The following CDKL5 variants were observed in gnomAD, a reference collection of about 807,000 sequenced individuals.
CDKL5 encodes the protein cyclin-dependent kinase-like 5.
In CDKL5, 8 loss-of-function variants were observed where a neutral mutation model predicts 61.7. That is an observed-to-expected ratio of 0.13 (90% CI 0.08 to 0.23). The LOEUF (loss-of-function observed/expected upper bound fraction) is 0.23, where lower values mean the gene tolerates loss of function less well. CDKL5 is among the 10% of genes least tolerant of loss of function. The pLI, the probability that CDKL5 is intolerant of heterozygous loss-of-function variation, is 1.00. For missense variants in CDKL5, 440 were observed against 734.5 expected, an observed-to-expected ratio of 0.60 and a Z score of 4.63; for synonymous variants, 275 against 272.3, an observed-to-expected ratio of 1.01 and a Z score of -0.10.
intron 3 of CDKL5, among the ~76,000 whole-genome samples, chrX:18,517,737 A>G (rs911015060): frequency 1.8e-5 from 2 of 111,791 alleles, no homozygotes; most frequent in African/African-American, 6.5e-5. Flanking sequence ...AACTTCTTCA[A>G]AGTAGTGCAT....
chrX:18,605,413 A>G (rs951984825), intron 12 of CDKL5, among the ~76,000 whole-genome samples: 1 of 112,139 alleles, frequency 8.9e-6, no homozygotes, highest in East Asian at 2.8e-4. Context: ...AAATCTTAAA[A>G]CAGCATTTTT....
chrX:18,456,333 C>T (rs1932141927), intron 1 of CDKL5, among the ~76,000 whole-genome samples: 1 of 111,423 alleles, frequency 9.0e-6, no homozygotes, highest in African/African-American at 3.3e-5. Flanking sequence ...CCACCGCGCC[C>T]GCCCGTCACA....
Position 18,471,762 on chromosome X carries a change from C to T in CDKL5, c.-162-35173C>T, listed in dbSNP as rs143691176. Among the ~76,000 whole-genome samples the T allele has an allele frequency of 7.2e-3, 793 of 110,622 alleles. 6 individuals carry two copies. The highest frequency in any genetic ancestry group is 0.024 in the African/African-American group (727 of 30,368). ...TTTATTTTTTATTGTTTTTTTGAGG[C>T]GGAGTCTCACTCTGCCACCCAGGCT... is the stretch of plus-strand genomic sequence containing the variant. On this transcript the variant is annotated intron_variant, in intron 1 of 17. Transcript: ENST00000623535.
At chrX:18,582,515 A>G (rs1046696852) in intron 7 of CDKL5, among the ~76,000 whole-genome samples, 1 of 111,727 alleles carries the variant, frequency 9.0e-6, no homozygotes, top group Middle Eastern at 4.7e-3. Context: ...ATTAAGCTCT[A>G]TTAAACATTT....
At chrX:18,474,226 C>T (rs1921218248) in intron 1 of CDKL5, among the ~76,000 whole-genome samples, 1 of 111,234 alleles carries the variant, frequency 9.0e-6, no homozygotes, top group African/African-American at 3.3e-5. Context: ...TTTTTGTTAC[C>T]TTGATAGCAT....
Position 18,632,975 on chromosome X carries a change from G to A in CDKL5, c.*4218G>A, listed in dbSNP as rs1335384805. 1.3e-6 allele frequency: 1 copy of A among 752,917 alleles called. No individual in the cohort carries two copies. Among genetic ancestry groups the A allele is most frequent in the Admixed American group, 8.8e-5 (1 of 11,417 alleles). 62.0% of individuals were successfully genotyped at this position (752,917 alleles called of 1,213,427 possible). A position where few individuals can be genotyped will look rare whatever the true frequency, so the allele number is the denominator to read the frequency against. On this transcript the variant is annotated 3_prime_UTR_variant, in exon 18 of 18. Transcript: ENST00000623535. Reference sequence around the variant, plus strand: ...CAGAGGATTACTTTGCAAGTGTGTAGAAAGATCTGTCTATTTCTGTTCACC... The same window carrying A: ...CAGAGGATTACTTTGCAAGTGTGTAAAAAGATCTGTCTATTTCTGTTCACC...
At position 18,630,888 on chromosome X, in the gene CDKL5, GT is replaced by G. The variant is rs1927213969; in HGVS notation, c.*2135del. On this transcript the variant is annotated 3_prime_UTR_variant, in exon 18 of 18. Coordinates refer to ENST00000623535, the MANE Select transcript of CDKL5 (RefSeq NM_001323289.2). The stretch of plus-strand genomic sequence containing the variant: ...ATACAAATGAGGTGGACCATCAGCA[GT>G]TTTGCCTGGACACTAATGACTCTAA... 1 of 750,108 alleles carries G rather than the reference GT, an allele frequency of 1.3e-6. No individual in the cohort carries two copies. Among genetic ancestry groups the G allele is most frequent in the Non-Finnish European group, 1.6e-6 (1 of 638,201 alleles). The allele number at this position is 750,108 out of a possible 1,213,427, so 61.8% of individuals were successfully genotyped here. A position where few individuals can be genotyped will look rare whatever the true frequency, so the allele number is the denominator to read the frequency against.
At chrX:18,435,081 C>T (rs1389422695) in intron 1 of CDKL5, among the ~76,000 whole-genome samples, 1 of 111,752 alleles carries the variant, frequency 8.9e-6, no homozygotes, top group African/African-American at 3.3e-5. Context: ...GAACAACTTA[C>T]TGACCCGGAT....
chrX:18,501,676 G>A (rs1253278457), intron 1 of CDKL5, among the ~76,000 whole-genome samples: 1 of 110,806 alleles, frequency 9.0e-6, no homozygotes, highest in Non-Finnish European at 1.9e-5. Flanking sequence ...AGCCTCTCGA[G>A]TAGCTGGCAC....
At position 18,630,330 on chromosome X, in the gene CDKL5, T is replaced by C; in HGVS notation, c.*1573T>C. 1.3e-6 allele frequency: 1 copy of C among 753,792 alleles called. No individual in the cohort carries two copies. The highest frequency in any genetic ancestry group is 1.6e-6 in the Non-Finnish European group (1 of 639,071). 62.1% of individuals were successfully genotyped at this position (753,792 alleles called of 1,213,427 possible). Reference sequence around the variant, plus strand: ...GCCTCTGGGTCATCCTTGAGGGAAGTCACCTCAGCACCATCATCTATCAGT... The same window carrying C: ...GCCTCTGGGTCATCCTTGAGGGAAGCCACCTCAGCACCATCATCTATCAGT... On this transcript the variant is annotated 3_prime_UTR_variant, in exon 18 of 18. Transcript: ENST00000623535.
In CDKL5 at chrX:18,630,339, C is replaced by T. The variant is rs766777239; in HGVS notation, c.*1582C>T. ...TCATCCTTGAGGGAAGTCACCTCAG[C>T]ACCATCATCTATCAGTAGTAGTAGA... On this transcript the variant is annotated 3_prime_UTR_variant, in exon 18 of 18. Coordinates refer to ENST00000623535, the MANE Select transcript of CDKL5 (RefSeq NM_001323289.2). 158 of 751,557 alleles carry T rather than the reference C, an allele frequency of 2.1e-4. No individual in the cohort carries two copies. The highest frequency in any genetic ancestry group is 2.4e-4 in the Non-Finnish European group (154 of 638,702). 61.9% of individuals were successfully genotyped at this position (751,557 alleles called of 1,213,427 possible).
At chrX:18,525,422 A>G (rs1923399984) in intron 3 of CDKL5, among the ~76,000 whole-genome samples, 1 of 111,302 alleles carries the variant, frequency 9.0e-6, no homozygotes, top group Non-Finnish European at 1.9e-5. Flanking sequence ...TTTTATAGGG[A>G]CAGGGTCTTG....
At chrX:18,571,568 A>G (rs182094808) in intron 4 of CDKL5, among the ~76,000 whole-genome samples, 150 of 111,154 alleles carry the variant, frequency 1.3e-3, no homozygotes, top group African/African-American at 4.6e-3. Context: ...TTTGTAAGGC[A>G]TTTTGTAATG....
chrX:18,633,066 C>T lies in CDKL5; in HGVS notation c.*4309C>T. 7 of 754,158 alleles carry T rather than the reference C, an allele frequency of 9.3e-6. No individual in the cohort carries two copies. The highest frequency in any genetic ancestry group is 1.1e-5 in the Non-Finnish European group (7 of 639,259). 62.2% of individuals were successfully genotyped at this position (754,158 alleles called of 1,213,427 possible). ...GGCTCAATGTGATTCGGTGCTGGAG[C>T]TCAGCTGGGACTCAGTAAATCTGCA... On this transcript the variant is annotated 3_prime_UTR_variant, in exon 18 of 18. Transcript: ENST00000623535.
intron 1 of CDKL5, among the ~76,000 whole-genome samples, chrX:18,459,353 C>T (rs757161125): frequency 4.5e-5 from 5 of 110,078 alleles, no homozygotes; most frequent in African/African-American, 6.6e-5. Flanking sequence ...GTCAGGAGTT[C>T]GAGACCAGCC....
chrX:18,602,202 C>T (rs1054797374), intron 11 of CDKL5, among the ~76,000 whole-genome samples: 1 of 111,967 alleles, frequency 8.9e-6, no homozygotes, highest in Non-Finnish European at 1.9e-5. Context: ...GGCCCAGGGC[C>T]GGGCTCATGG....
intron 3 of CDKL5, among the ~76,000 whole-genome samples, chrX:18,534,479 T>C (rs1476129529): frequency 8.9e-6 from 1 of 111,828 alleles, no homozygotes; most frequent in African/African-American, 3.3e-5. Flanking sequence ...TAATAAAATA[T>C]TGCACTTTTA....
intron 1 of CDKL5, among the ~76,000 whole-genome samples, chrX:18,501,445 A>T (rs1199834340): frequency 9.0e-6 from 1 of 111,662 alleles, no homozygotes; most frequent in Non-Finnish European, 1.9e-5. Flanking sequence ...AAGTGCTGGG[A>T]TTACAGGCAT....
chrX:18,572,097 A>G (rs1925154519), intron 4 of CDKL5, among the ~76,000 whole-genome samples: 1 of 112,241 alleles, frequency 8.9e-6, no homozygotes, highest in Non-Finnish European at 1.9e-5. Context: ...ATGAAAAGAA[A>G]TAATAGATTA....
Sources: allele counts gnomAD v4.1 joint callset (sites outside exome capture counted in the v4.1 genomes callset), GRCh38; gene constraint gnomAD v4.1.1; transcripts MANE v1.5; gene names NCBI Gene and HGNC (gene_info 2026-07-23, HGNC 2026-07-21).